CHRNA4: variants seen among roughly 807,000 people sequenced by gnomAD.
CHRNA4 encodes the protein cholinergic receptor nicotinic alpha 4 subunit.
A neutral mutation model predicts 48.9 loss-of-function variants in CHRNA4; 28 were observed. The ratio of observed to expected loss-of-function variants is 0.57; its 90% CI spans 0.42 to 0.79. The LOEUF (loss-of-function observed/expected upper bound fraction) is 0.79, where lower values mean the gene tolerates loss of function less well. Ranked by LOEUF, CHRNA4 falls within the 30% of genes least tolerant of loss-of-function variation. CHRNA4 has a pLI of 0.00. For synonymous variants in CHRNA4, 425 were observed against 402.3 expected (o/e 1.06, Z -0.68); for missense variants, 859 against 898.4 (o/e 0.96, Z 0.56).
In CHRNA4 at chr20:63,344,942, G is replaced by A. The variant is rs1266490236; in HGVS notation, c.*1796C>T. ...CTGGGGATGCCCAGGATTTGGCACG[G>A]GGGTCTCTGTGTCCCACCCACTCCT... On this transcript the variant is annotated 3_prime_UTR_variant, in exon 6 of 6. Coordinates refer to ENST00000370263, the MANE Select transcript of CHRNA4 (RefSeq NM_000744.7). This position sits in a 1 kb window ranked among gnomAD's most constrained non-coding sequence, Gnocchi z 4.5. 2.5e-6 allele frequency: 1 copy of A among 406,494 alleles called. No homozygotes were observed. 25.2% of individuals were successfully genotyped at this position (406,494 alleles called of 1,614,324 possible).
At chr20:63,357,680 G>C (rs997655609) in intron 2 of CHRNA4, among the ~76,000 whole-genome samples, 2 of 152,168 alleles carry the variant, frequency 1.3e-5, no homozygotes, top group African/African-American at 4.8e-5. Context: ...GAGTGGGCCA[G>C]ACACAAGGCA....
Position 63,346,506 on chromosome 20 carries a change from G to A in CHRNA4, c.*232C>T. On this transcript the variant is annotated 3_prime_UTR_variant, in exon 6 of 6. Coordinates refer to ENST00000370263, the MANE Select transcript of CHRNA4 (RefSeq NM_000744.7). ...GCGCCGACCCCCACCTCTGCTCCAA[G>A]CCACTGCCTCCTGAGGCCACAGTCC... 1.4e-6 allele frequency: 1 copy of A among 697,236 alleles called. No individual in the cohort carries two copies. The highest frequency in any genetic ancestry group is 2.6e-6 in the Non-Finnish European group (1 of 389,296). The allele number at this position is 697,236 out of a possible 1,614,324, so 43.2% of individuals were successfully genotyped here.
intron 4 of CHRNA4, 142 bp from the exon 5 acceptor site, chr20:63,351,169 C>CCA (rs1568811553): frequency 3.8e-5 from 22 of 574,672 alleles, no homozygotes; most frequent in East Asian, 1.6e-4. Context: ...ACATCCACGT[C>CCA]CACGCCCACA....
At chr20:63,357,304 TCAGGACCTCATCCC>T (rs2068737043) in intron 2 of CHRNA4, among the ~76,000 whole-genome samples, 2 of 16,472 alleles carry the variant, frequency 1.2e-4, no homozygotes, top group Admixed American at 1.2e-3. Flanking sequence ...CCTCATCCCC[TCAGGACCTCATCCC>T]GTGTGTCTGA....
rs1286704064 is a variant in CHRNA4, at chr20:63,344,746, G to A, written c.*1992C>T. 1.5e-5 allele frequency: 7 copies of A among 454,144 alleles called. No homozygotes were observed. The highest frequency in any genetic ancestry group is 4.0e-5 in the African/African-American group (2 of 50,122). The allele number at this position is 454,144 out of a possible 1,614,324, so 28.1% of individuals were successfully genotyped here. ...CGTCTCTATCCCTCCTCTGAGACCA[G>A]TGTCTCCTGCCAGCTTCCATGGCCC... On this transcript the variant is annotated 3_prime_UTR_variant, in exon 6 of 6. Coordinates refer to ENST00000370263, the MANE Select transcript of CHRNA4 (RefSeq NM_000744.7). The surrounding 1 kb of genome is among the most constrained non-coding windows in gnomAD (Gnocchi z 4.5).
intron 4 of CHRNA4, among the ~76,000 whole-genome samples, chr20:63,351,975 C>T (rs1038218206): frequency 6.6e-6 from 1 of 152,204 alleles, no homozygotes; most frequent in Non-Finnish European, 1.5e-5. Context: ...CCACCCCCAC[C>T]CACAGAAGTC....
chr20:63,349,774 A>C lies in CHRNA4; in HGVS notation c.1637T>G (p.Val546Gly), dbSNP rs764888239. Reference sequence around the variant, plus strand: ...CGGCGCTTTGGTGCTGCGGGTCTTGACCGTGGCGCTCGGGGACACCGAAGA... The same window carrying C: ...CGGCGCTTTGGTGCTGCGGGTCTTGCCCGTGGCGCTCGGGGACACCGAAGA... The part of the protein sequence containing the change: ...EPSSVSPSAT[V>G]KTRSTKAPPP... Residue 546 changes from valine to glycine, a missense_variant, in exon 5 of 6, where the codon GTC becomes GGC. This residue lies in a region of CHRNA4 where 478 missense variants were observed against 455.4 expected (regional missense o/e 1.05). Transcript: ENST00000370263. The C allele has an allele frequency of 8.1e-6, 13 of 1,610,862 alleles. No individual in the cohort carries two copies. The Admixed American group carries it at 2.0e-4, about 25-fold the overall frequency.
At chr20:63,354,521 G>T in intron 4 of CHRNA4, 1 of 944,372 alleles carries the variant, frequency 1.1e-6, no homozygotes, top group Non-Finnish European at 1.3e-6. Flanking sequence ...TGGTCCTGGG[G>T]GAGCTGTGAA....
rs149407396 is a variant in CHRNA4, at chr20:63,350,790, G to A, written c.621C>T (p.Gly207=). Residue 207 remains glycine, a synonymous_variant, in exon 5 of 6, where the codon GGC becomes GGT. Transcript: ENST00000370263. The stretch of plus-strand genomic sequence containing the variant: ...CCACGGCATCCACGATGACCCACTC[G>A]CCACTCTCCCAGAAGTCCAGCTGGT... The part of the protein sequence containing the change: ...RVDQLDFWES[G]EWVIVDAVGT... 18 of 1,613,616 alleles carry A rather than the reference G, an allele frequency of 1.1e-5. No individual in the cohort carries two copies. The highest frequency in any genetic ancestry group is 2.2e-5 in the South Asian group (2 of 91,064).
In CHRNA4 at chr20:63,343,473, C is replaced by G. The variant is rs775591694; in HGVS notation, c.*3265G>C. 6.6e-6 allele frequency: 3 copies of G among 454,160 alleles called. No individual in the cohort carries two copies. The highest frequency in any genetic ancestry group is 4.7e-5 in the South Asian group (3 of 64,480). The allele number at this position is 454,160 out of a possible 1,614,324, so 28.1% of individuals were successfully genotyped here. ...TTAGAAATCCGAAGCCGCCTCTGCT[C>G]CAGGGGACACCTAACCCAGCAGTCC... On this transcript the variant is annotated 3_prime_UTR_variant, in exon 6 of 6. Coordinates refer to ENST00000370263, the MANE Select transcript of CHRNA4 (RefSeq NM_000744.7).
At chr20:63,352,674 C>A (rs1488344016) in intron 4 of CHRNA4, among the ~76,000 whole-genome samples, 1 of 152,238 alleles carries the variant, frequency 6.6e-6, no homozygotes, top group East Asian at 1.9e-4. Context: ...TCTCATATGG[C>A]AAGCGGGTGA....
intron 5 of CHRNA4, among the ~76,000 whole-genome samples, chr20:63,347,370 A>G (rs1258918870): frequency 6.6e-6 from 1 of 152,184 alleles, no homozygotes; most frequent in Non-Finnish European, 1.5e-5. Context: ...AGCTGCCGCC[A>G]TCTGCAGTCT....
intron 2 of CHRNA4, among the ~76,000 whole-genome samples, chr20:63,357,898 C>T (rs535632984): frequency 6.6e-6 from 1 of 152,256 alleles, no homozygotes; most frequent in African/African-American, 2.4e-5. Context: ...TGCTCCAGGC[C>T]TCAATGTCTC....
intron 5 of CHRNA4, 181 bp from the exon 6 acceptor site, chr20:63,347,044 C>T: frequency 1.2e-6 from 1 of 829,002 alleles, no homozygotes; most frequent in Non-Finnish European, 2.0e-6. Flanking sequence ...GTGCACGGGA[C>T]AGCCAGTGCT....
chr20:63,354,541 G>A, intron 4 of CHRNA4: 1 of 955,124 alleles, frequency 1.0e-6, no homozygotes, highest in Non-Finnish European at 1.2e-6. Flanking sequence ...ACCTGGTGGG[G>A]GCTGCAGTCT....
chr20:63,359,884 T>TGCGCGC lies in CHRNA4; in HGVS notation c.77-186_77-185insGCGCGC, dbSNP rs11472697. The TGCGCGC allele has an allele frequency of 2.1e-4, 123 of 573,564 alleles. 1 individual carries two copies. The highest frequency in any genetic ancestry group is 2.1e-3 in the African/African-American group (110 of 52,566). The allele number at this position is 573,564 out of a possible 1,614,324, so 35.5% of individuals were successfully genotyped here. On this transcript the variant is annotated intron_variant, in intron 1 of 5. Coordinates refer to ENST00000370263, the MANE Select transcript of CHRNA4 (RefSeq NM_000744.7). Reference sequence around the variant, plus strand: ...GGCGTGCGCTCTGTGTGTGTGTGTGTGCCGGGCGTGTGCTGTGTGTGTGTG... The same window carrying TGCGCGC: ...GGCGTGCGCTCTGTGTGTGTGTGTGTGCGCGCGCCGGGCGTGTGCTGTGTGTGTGTG...
At position 63,345,837 on chromosome 20, in the gene CHRNA4, G is replaced by A. The variant is rs1286053442; in HGVS notation, c.*901C>T. Reference sequence around the variant, plus strand: ...AGGGTCCTGGGGGAACCAGGGCCCAGGTCTGGACTCCATTCGGGACCTTCC... The same window carrying A: ...AGGGTCCTGGGGGAACCAGGGCCCAAGTCTGGACTCCATTCGGGACCTTCC... On this transcript the variant is annotated 3_prime_UTR_variant, in exon 6 of 6. Transcript: ENST00000370263. This position sits in a 1 kb window ranked among gnomAD's most constrained non-coding sequence, Gnocchi z 5.4. The A allele has an allele frequency of 2.2e-6, 1 of 451,666 alleles. No individual in the cohort carries two copies. The highest frequency in any genetic ancestry group is 4.4e-6 in the Non-Finnish European group (1 of 225,000). 28.0% of individuals were successfully genotyped at this position (451,666 alleles called of 1,614,324 possible).
At chr20:63,349,520 G>C in intron 5 of CHRNA4, 133 bp downstream of exon 5, 1 of 1,161,990 alleles carries the variant, frequency 8.6e-7, no homozygotes, top group South Asian at 1.3e-5. Flanking sequence ...TGCAGCAGGG[G>C]CCACGCCCTG....
chr20:63,360,419 G>T (rs1394820267), intron 1 of CHRNA4, among the ~76,000 whole-genome samples: 2 of 152,212 alleles, frequency 1.3e-5, no homozygotes, highest in African/African-American at 4.8e-5. Context: ...CTCTGGAGGA[G>T]CACAGCCCTA....
Sources: gnomAD v4.1 joint callset for allele counts (sites outside exome capture counted in the v4.1 genomes callset) on GRCh38, gnomAD v4.1.1 for gene constraint, gnomAD v4.1.1 regional missense constraint, Gnocchi (gnomAD v3.1) non-coding constraint, MANE v1.5 for transcripts, NCBI Gene and HGNC (gene_info 2026-07-23, HGNC 2026-07-21) for gene names.